MEF2A: variants seen among roughly 807,000 people sequenced by gnomAD.
MEF2A encodes the protein myocyte enhancer factor 2A.
A neutral mutation model predicts 55.8 loss-of-function variants in MEF2A; 28 were observed. The observed-to-expected ratio is 0.50, with a 90% confidence interval of 0.37 to 0.69. The LOEUF is 0.69. MEF2A is among the 30% of genes least tolerant of loss of function. MEF2A has a pLI of 0.00. For synonymous variants in MEF2A, 239 were observed against 227.1 expected (o/e 1.05, Z -0.47); for missense variants, 528 against 626.2 (o/e 0.84, Z 1.67).
At chr15:99,692,254 A>G (rs2055624916) in intron 8 of MEF2A, among the ~76,000 whole-genome samples, 3 of 152,234 alleles carry the variant, frequency 2.0e-5, no homozygotes, top group Non-Finnish European at 4.4e-5. Context: ...AAAGGTTATT[A>G]CTTGTCCAAG....
At chr15:99,674,265 T>C in intron 5 of MEF2A, 128 bp from the exon 6 acceptor site, 1 of 726,182 alleles carries the variant, frequency 1.4e-6, no homozygotes, top group Non-Finnish European at 2.2e-6. Context: ...ATCTGTAAAT[T>C]GGTTAAGAAC....
chr15:99,575,195 T>A (rs1217501725), intron 1 of MEF2A, among the ~76,000 whole-genome samples: 1 of 152,238 alleles, frequency 6.6e-6, no homozygotes, highest in African/African-American at 2.4e-5. Flanking sequence ...TTCAAGAAAT[T>A]TAATATTGAT....
intron 4 of MEF2A, among the ~76,000 whole-genome samples, chr15:99,650,466 A>G (rs2046675346): frequency 6.6e-6 from 1 of 152,230 alleles, no homozygotes; most frequent in African/African-American, 2.4e-5. Context: ...AGCACTTAAC[A>G]TGGTCTAGTA....
chr15:99,622,702 C>CTTTTTTTCT (rs2041397629), intron 2 of MEF2A, among the ~76,000 whole-genome samples: 1 of 135,700 alleles, frequency 7.4e-6, no homozygotes, highest in Admixed American at 7.7e-5. Context: ...GTTTTCTTTT[C>CTTTTTTTCT]TTTTTTTTTT....
intron 4 of MEF2A, among the ~76,000 whole-genome samples, chr15:99,662,014 G>A (rs909099716): frequency 2.0e-5 from 3 of 152,144 alleles, no homozygotes; most frequent in Admixed American, 2.0e-4. Flanking sequence ...ATGCTGAATA[G>A]TGTACTGTGT....
At chr15:99,635,779 T>C (rs1288928111) in intron 3 of MEF2A, among the ~76,000 whole-genome samples, 1 of 152,254 alleles carries the variant, frequency 6.6e-6, no homozygotes, top group Non-Finnish European at 1.5e-5. Context: ...TTTTCATTGA[T>C]GTATAATCTA....
At chr15:99,600,450 A>G (rs1209712445) in intron 2 of MEF2A, among the ~76,000 whole-genome samples, 2 of 152,132 alleles carry the variant, frequency 1.3e-5, no homozygotes, top group South Asian at 2.1e-4. Flanking sequence ...TTTCTTTACA[A>G]TTCTGCTGCA....
At chr15:99,617,279 T>A (rs1163830734) in intron 2 of MEF2A, among the ~76,000 whole-genome samples, 1 of 149,580 alleles carries the variant, frequency 6.7e-6, no homozygotes, top group Non-Finnish European at 1.5e-5. Context: ...TTTTTTTGTA[T>A]GGTCTGTATT....
chr15:99,702,429 C>CT (rs11429799), intron 8 of MEF2A, among the ~76,000 whole-genome samples: 55,465 of 134,314 alleles, frequency 0.41, 12,516 homozygotes, highest in Middle Eastern at 0.58. Flanking sequence ...AAAAATGTTT[C>CT]TTTTTTTTTT....
Position 99,585,144 on chromosome 15 carries a change from G to T in MEF2A, c.-224-13286G>T, listed in dbSNP as rs566315043. ...GAATTGTGCTTTATTCTAGTTGACAGGATTAATCTTACCATTCTCTTATCT... is the reference window on the plus strand; with the variant it reads ...GAATTGTGCTTTATTCTAGTTGACATGATTAATCTTACCATTCTCTTATCT... On this transcript the variant is annotated intron_variant, in intron 1 of 11. Transcript: ENST00000557942. Among the ~76,000 whole-genome samples the T allele has an allele frequency of 4.7e-4, 71 of 152,204 alleles. 1 individual carries two copies. Among genetic ancestry groups the T allele is most frequent in the African/African-American group, 1.7e-3 (70 of 41,530 alleles).
rs530733848 is a variant in MEF2A at position 99,713,125 on chromosome 15, C to A, written c.*354C>A. 103 of 429,820 alleles carry A rather than the reference C, an allele frequency of 2.4e-4. No homozygotes were observed. Among genetic ancestry groups the A allele is most frequent in the Middle Eastern group, 5.8e-4 (1 of 1,714 alleles). The allele number at this position is 429,820 out of a possible 1,614,324, so 26.6% of individuals were successfully genotyped here. The stretch of plus-strand genomic sequence containing the variant: ...TATATAATTCTCCCACACTAGCTTG[C>A]AGAAACCTAGAGGGCCCCCTACTTG... On this transcript the variant is annotated 3_prime_UTR_variant, in exon 12 of 12. Transcript: ENST00000557942.
chr15:99,636,086 C>A (rs978891063), intron 3 of MEF2A, among the ~76,000 whole-genome samples: 1 of 152,106 alleles, frequency 6.6e-6, no homozygotes, highest in East Asian at 1.9e-4. Context: ...TCATTTTAGT[C>A]ATTCTGGTAG....
At chr15:99,681,799 G>C (rs1362044818) in intron 7 of MEF2A, 1 of 152,162 alleles carries the variant, frequency 6.6e-6, no homozygotes, top group African/African-American at 2.4e-5. Flanking sequence ...AGACTAGTCA[G>C]GTGCAGTAGT....
rs1407984830 is a variant in MEF2A, at chr15:99,583,589, G to A, written c.-224-14841G>A. The stretch of plus-strand genomic sequence containing the variant: ...CCATATGCCTGAGAAGGAATACTGG[G>A]AATATTAGCTTGTACCATGATACTG... On this transcript the variant is annotated intron_variant, in intron 1 of 11. Coordinates refer to ENST00000557942, the MANE Select transcript of MEF2A (RefSeq NM_001319206.4). Among the ~76,000 whole-genome samples, 10 of 152,074 alleles carry A rather than the reference G, an allele frequency of 6.6e-5. 1 individual carries two copies. Among genetic ancestry groups the A allele is most frequent in the Admixed American group, 6.6e-4 (10 of 15,262 alleles).
At chr15:99,692,141 G>T (rs183874348) in intron 8 of MEF2A, among the ~76,000 whole-genome samples, 52 of 152,226 alleles carry the variant, frequency 3.4e-4, no homozygotes, top group African/African-American at 1.2e-3. Context: ...TTCCACTTTG[G>T]TATAATGCTT....
At chr15:99,670,362 A>G (rs535512274) in intron 4 of MEF2A, among the ~76,000 whole-genome samples, 4 of 152,352 alleles carry the variant, frequency 2.6e-5, no homozygotes, top group African/African-American at 9.6e-5. Flanking sequence ...TAATCCCAGC[A>G]CTTTGGGAGG....
At chr15:99,583,307 A>G (rs1484605782) in intron 1 of MEF2A, among the ~76,000 whole-genome samples, 1 of 152,134 alleles carries the variant, frequency 6.6e-6, no homozygotes, top group African/African-American at 2.4e-5. Context: ...AACTTTAGGA[A>G]GTTGGTGAAT....
chr15:99,702,743 G>A (rs1010768914), intron 8 of MEF2A, among the ~76,000 whole-genome samples: 6 of 152,164 alleles, frequency 3.9e-5, no homozygotes, highest in African/African-American at 1.2e-4. Flanking sequence ...CTTCAAATAT[G>A]TGGTTTTTCT....
intron 7 of MEF2A, among the ~76,000 whole-genome samples, chr15:99,688,619 T>C (rs1356278435): frequency 6.6e-6 from 1 of 151,888 alleles, no homozygotes; most frequent in Non-Finnish European, 1.5e-5. Flanking sequence ...TAGCCGGGCG[T>C]GGTGGCGGGC....
Sources: allele counts gnomAD v4.1 joint callset (sites outside exome capture counted in the v4.1 genomes callset), GRCh38; gene constraint gnomAD v4.1.1; transcripts MANE v1.5; gene names NCBI Gene and HGNC (gene_info 2026-07-23, HGNC 2026-07-21).